The following ANKIB1 variants were observed in gnomAD, a reference collection of about 807,000 sequenced individuals.
ANKIB1 encodes the protein ankyrin repeat and IBR domain-containing protein 1.
A neutral mutation model predicts 122.1 loss-of-function variants in ANKIB1; 43 were observed. The observed-to-expected ratio is 0.35, with a 90% CI of 0.28 to 0.45. The LOEUF is 0.45. ANKIB1 is among the 20% of genes least tolerant of loss of function. ANKIB1 has a pLI of 1.00. For missense variants in ANKIB1, 992 were observed against 1,329.5 expected, an observed-to-expected ratio of 0.75 and a Z score of 3.95; for synonymous variants, 390 against 442.0, an observed-to-expected ratio of 0.88 and a Z score of 1.48.
At position 92,246,221 on chromosome 7, in the gene ANKIB1, C is replaced by A. The variant is rs963656786; in HGVS notation, c.-389C>A. 6 of 376,776 alleles carry A rather than the reference C, an allele frequency of 1.6e-5. No individual in the cohort carries two copies. Among genetic ancestry groups the A allele is most frequent in the South Asian group, 9.2e-5 (5 of 54,582 alleles). The allele number at this position is 376,776 out of a possible 1,614,324, so 23.3% of individuals were successfully genotyped here. ...AGCCACCGCCCCCTCTTCCCCTCCC[C>A]CGAGTGAGGCGGCGCAGCGGCCGGA... is the stretch of plus-strand genomic sequence containing the variant. On this transcript the variant is annotated 5_prime_UTR_variant, in exon 1 of 20. Transcript: ENST00000265742.
At chr7:92,308,162 G>A (rs1051684507) in intron 3 of ANKIB1, among the ~76,000 whole-genome samples, 2 of 151,916 alleles carry the variant, frequency 1.3e-5, no homozygotes, top group Non-Finnish European at 2.9e-5. Context: ...GAGTCACTGC[G>A]CCCAACCAAC....
chr7:92,396,455 G>A lies in ANKIB1; in HGVS notation c.2374G>A (p.Glu792Lys), dbSNP rs1562802485. 2 of 1,584,062 alleles carry A rather than the reference G, an allele frequency of 1.3e-6. No homozygotes were observed. The highest frequency in any genetic ancestry group is 1.7e-6 in the Non-Finnish European group (2 of 1,162,410). Residue 792 changes from glutamate (E) to lysine (K), a missense_variant, in exon 18 of 20, where the codon GAG becomes AAG. Transcript: ENST00000265742. ...SLLSNPPDPD[E>K]PSESTLDIPE... ...ACTCAGTAATCCTCCAGACCCTGATGAGCCAAGTGAAAGCACTTTAGGTAA... is the reference window on the plus strand; with the variant it reads ...ACTCAGTAATCCTCCAGACCCTGATAAGCCAAGTGAAAGCACTTTAGGTAA...
intron 11 of ANKIB1, among the ~76,000 whole-genome samples, chr7:92,382,597 G>A (rs749917464): frequency 3.9e-5 from 6 of 152,074 alleles, no homozygotes; most frequent in South Asian, 4.1e-4. Flanking sequence ...ACTCAAAACC[G>A]CACAACTACA....
rs1168149323 is a variant in ANKIB1 at position 92,387,925 on chromosome 7, T to C, written c.1839+41T>C. 3.1e-6 allele frequency: 5 copies of C among 1,606,792 alleles called. No individual in the cohort carries two copies. The South Asian group carries it at 5.5e-5, about 18-fold the overall frequency. On this transcript the variant is annotated intron_variant, in intron 13 of 19. Coordinates refer to ENST00000265742, the MANE Select transcript of ANKIB1 (RefSeq NM_019004.2). ...TTTCAAATGAGCTGACCTATACTGT[T>C]GTGAATAAATAAAGAGAATGGTTTA...
intron 1 of ANKIB1, among the ~76,000 whole-genome samples, chr7:92,267,627 ATTG>A (rs1240421870): frequency 1.3e-5 from 2 of 152,098 alleles, no homozygotes; most frequent in Non-Finnish European, 2.9e-5. Flanking sequence ...TGAAAGCATT[ATTG>A]TTTTACCTTT....
At position 92,399,653 on chromosome 7, in the gene ANKIB1, C is replaced by T. The variant is rs901963148; in HGVS notation, c.*704C>T. The T allele has an allele frequency of 2.0e-5, 3 of 152,122 alleles. No individual in the cohort carries two copies. Among genetic ancestry groups the T allele is most frequent in the African/African-American group, 4.8e-5 (2 of 41,402 alleles). The allele number at this position is 152,122 out of a possible 1,614,324, so 9.4% of individuals were successfully genotyped here. ...TCAGCGTTCTCGGGAGTAAAAGGTG[C>T]CACTTGGTAGCAATGATATTCCAGA... On this transcript the variant is annotated 3_prime_UTR_variant, in exon 20 of 20. Transcript: ENST00000265742.
At chr7:92,324,024 A>G (rs563768368) in intron 4 of ANKIB1, among the ~76,000 whole-genome samples, 1 of 152,236 alleles carries the variant, frequency 6.6e-6, no homozygotes, top group Non-Finnish European at 1.5e-5. Context: ...GAACAGCTGA[A>G]TAAGGAGCGA....
At chr7:92,257,248 A>G (rs1382678269) in intron 1 of ANKIB1, among the ~76,000 whole-genome samples, 2 of 152,176 alleles carry the variant, frequency 1.3e-5, no homozygotes, top group African/African-American at 4.8e-5. Context: ...GTTACAATGA[A>G]GAAGTCGTTA....
At chr7:92,342,266 C>A (rs1197475925) in intron 5 of ANKIB1, among the ~76,000 whole-genome samples, 2 of 152,080 alleles carry the variant, frequency 1.3e-5, no homozygotes, top group African/African-American at 2.4e-5. Flanking sequence ...GTCTTGATTT[C>A]TTCGCCTAAA....
chr7:92,306,471 C>T (rs1430748370), intron 2 of ANKIB1, among the ~76,000 whole-genome samples: 1 of 152,076 alleles, frequency 6.6e-6, no homozygotes, highest in Non-Finnish European at 1.5e-5. Context: ...CACAACTCCC[C>T]TCAGAAAGTA....
At chr7:92,247,531 C>T (rs1801179395) in intron 1 of ANKIB1, among the ~76,000 whole-genome samples, 1 of 152,198 alleles carries the variant, frequency 6.6e-6, no homozygotes, top group Non-Finnish European at 1.5e-5. Flanking sequence ...GACCCTCCTG[C>T]TGCTTAAACT....
intron 1 of ANKIB1, among the ~76,000 whole-genome samples, chr7:92,286,596 C>T (rs376994626): frequency 2.6e-5 from 4 of 151,906 alleles, no homozygotes; most frequent in South Asian, 4.2e-4. Flanking sequence ...TCTCCTGCCT[C>T]AGCCTCCCAA....
At chr7:92,289,790 T>C (rs1294943283) in intron 1 of ANKIB1, among the ~76,000 whole-genome samples, 1 of 152,214 alleles carries the variant, frequency 6.6e-6, no homozygotes, top group Non-Finnish European at 1.5e-5. Context: ...CCACTGACTT[T>C]TCTTTTTTCT....
chr7:92,268,233 C>CTGA (rs1218369875), intron 1 of ANKIB1, among the ~76,000 whole-genome samples: 1 of 152,150 alleles, frequency 6.6e-6, no homozygotes, highest in Non-Finnish European at 1.5e-5. Flanking sequence ...GGAGTGAAGC[C>CTGA]AGTTCTACTA....
At chr7:92,387,138 CAG>C (rs767153922) in intron 12 of ANKIB1, among the ~76,000 whole-genome samples, 2 of 152,146 alleles carry the variant, frequency 1.3e-5, no homozygotes, top group African/African-American at 2.4e-5. Flanking sequence ...CCAGAAAAGA[CAG>C]AGAGACCTCT....
chr7:92,275,236 T>C (rs770103547), intron 1 of ANKIB1, among the ~76,000 whole-genome samples: 4 of 152,212 alleles, frequency 2.6e-5, no homozygotes, highest in Non-Finnish European at 5.9e-5. Context: ...TATTCTCACT[T>C]AATGGGATTT....
At chr7:92,271,253 T>A (rs1801784847) in intron 1 of ANKIB1, among the ~76,000 whole-genome samples, 1 of 152,186 alleles carries the variant, frequency 6.6e-6, no homozygotes, top group Non-Finnish European at 1.5e-5. Context: ...TTTGCTCCAT[T>A]GTCAAAAATG....
chr7:92,371,914 G>A (rs552161597), intron 11 of ANKIB1, among the ~76,000 whole-genome samples: 2 of 150,596 alleles, frequency 1.3e-5, no homozygotes, highest in Non-Finnish European at 3.0e-5. Context: ...CACCTTCCCC[G>A]CTAGTCACCT....
chr7:92,321,444 T>C lies in ANKIB1; in HGVS notation c.669+1932T>C, dbSNP rs531033730. On this transcript the variant is annotated intron_variant, in intron 4 of 19. Coordinates refer to ENST00000265742, the MANE Select transcript of ANKIB1 (RefSeq NM_019004.2). Reference sequence around the variant, plus strand: ...TTATTTTATGTATTTTGTTTACTTGTTTATTGCCTTTCTCTCCTATTAGAC... The same window carrying C: ...TTATTTTATGTATTTTGTTTACTTGCTTATTGCCTTTCTCTCCTATTAGAC... Among the ~76,000 whole-genome samples, 14 of 152,338 alleles carry C rather than the reference T, an allele frequency of 9.2e-5. No individual in the cohort carries two copies. In the East Asian group the frequency reaches 2.7e-3, roughly 29 times the overall value.
Sources: gnomAD v4.1 joint callset for allele counts (sites outside exome capture counted in the v4.1 genomes callset) on GRCh38, gnomAD v4.1.1 for gene constraint, MANE v1.5 for transcripts, NCBI Gene and HGNC (gene_info 2026-07-23, HGNC 2026-07-21) for gene names.